Variants in CDH10 observed in about 807,000 individuals in gnomAD.
CDH10 encodes cadherin-10.
Under a neutral mutation model 73.1 loss-of-function variants are expected in CDH10, and 30 were observed. The ratio of observed to expected loss-of-function variants is 0.41; its 90% CI spans 0.31 to 0.56. The LOEUF (loss-of-function observed/expected upper bound fraction) is 0.56, where lower values mean the gene tolerates loss of function less well. Ranked by LOEUF, CDH10 falls within the 20% of genes least tolerant of loss-of-function variation. The probability of loss-of-function intolerance (pLI) is 0.27; values close to 1 mark genes in which losing one functional copy is unlikely to be tolerated. For missense variants in CDH10, 815 were observed against 973.7 expected, an observed-to-expected ratio of 0.84 and a Z score of 2.17; for synonymous variants, 345 against 348.2, an observed-to-expected ratio of 0.99 and a Z score of 0.10.
At chr5:24,622,529 G>C (rs564124488) in intron 1 of CDH10, among the ~76,000 whole-genome samples, 3 of 152,254 alleles carry the variant, frequency 2.0e-5, no homozygotes, top group African/African-American at 7.2e-5. Flanking sequence ...TCACTCTAGT[G>C]TTCTGATTAG....
chr5:24,535,235 C>G lies in CDH10; in HGVS notation c.691G>C (p.Glu231Gln), dbSNP rs2111878508. 3 of 1,613,204 alleles carry G rather than the reference C, an allele frequency of 1.9e-6. No homozygotes were observed. The highest frequency in any genetic ancestry group is 2.5e-6 in the Non-Finnish European group (3 of 1,179,576). Residue 231 changes from glutamate to glutamine, a missense_variant, in exon 5 of 12, where the codon GAG becomes CAG. This residue lies in a region of CDH10 where 516 missense variants were observed against 636.6 expected (regional missense o/e 0.81). Coordinates refer to ENST00000264463, the MANE Select transcript of CDH10 (RefSeq NM_006727.5). ...GCCTGGATGACCACTTGGTATTGCT[C>G]TCTGTTTTCTCTGTTCATGTTCGGT... ...ALPNMNRENR[E>Q]QYQVVIQAKD... is the part of the protein sequence containing the mutation.
intron 5 of CDH10, among the ~76,000 whole-genome samples, chr5:24,522,346 A>G (rs1306501819): frequency 2.6e-5 from 4 of 152,140 alleles, no homozygotes; most frequent in African/African-American, 9.7e-5. Flanking sequence ...TGATAACTCA[A>G]TGAAGATGGT....
rs563833632 is a variant in CDH10, at chr5:24,565,371, A to G, written c.232-27697T>C. Among the ~76,000 whole-genome samples the G allele has an allele frequency of 1.3e-4, 20 of 152,354 alleles. No individual in the cohort carries two copies. In the East Asian group the frequency reaches 2.7e-3, roughly 21 times the overall value. ...TATGTACTAACATTACATTCTTGGA[A>G]ACTGAACTCTAACATACCATGCCTT... On this transcript the variant is annotated intron_variant, in intron 2 of 11. Transcript: ENST00000264463.
chr5:24,596,361 C>A (rs960838726), intron 1 of CDH10, among the ~76,000 whole-genome samples: 1 of 151,680 alleles, frequency 6.6e-6, no homozygotes, highest in African/African-American at 2.4e-5. Context: ...CCCTATGGCT[C>A]TCAGCTGTCT....
In CDH10 at chr5:24,555,979, T is replaced by C. The variant is rs527459515; in HGVS notation, c.232-18305A>G. Among the ~76,000 whole-genome samples the C allele has an allele frequency of 2.6e-5, 4 of 152,292 alleles. No homozygotes were observed. The East Asian group carries it at 7.7e-4, about 29-fold the overall frequency. On this transcript the variant is annotated intron_variant, in intron 2 of 11. Coordinates refer to ENST00000264463, the MANE Select transcript of CDH10 (RefSeq NM_006727.5). Reference sequence around the variant, plus strand: ...CCAATTTGGAAACCACAATCACTTCTAGGAGAAACCTTATTGGATGTTTTG... The same window carrying C: ...CCAATTTGGAAACCACAATCACTTCCAGGAGAAACCTTATTGGATGTTTTG...
chr5:24,591,055 G>C (rs1746183832), intron 2 of CDH10, among the ~76,000 whole-genome samples: 1 of 151,906 alleles, frequency 6.6e-6, no homozygotes, highest in Admixed American at 6.6e-5. Context: ...ACTTCATGAG[G>C]AAAATATATT....
chr5:24,562,265 C>A (rs865976935), intron 2 of CDH10, among the ~76,000 whole-genome samples: 5 of 152,042 alleles, frequency 3.3e-5, no homozygotes, highest in Middle Eastern at 3.4e-3. Flanking sequence ...TAAAACATTC[C>A]TCTTAAAGAG....
chr5:24,595,086 T>C (rs1746324714), intron 1 of CDH10, among the ~76,000 whole-genome samples: 1 of 151,850 alleles, frequency 6.6e-6, no homozygotes, highest in Non-Finnish European at 1.5e-5. Flanking sequence ...CTTATAATAT[T>C]GTGAACATAC....
At chr5:24,569,890 G>C (rs1400367689) in intron 2 of CDH10, among the ~76,000 whole-genome samples, 1 of 151,954 alleles carries the variant, frequency 6.6e-6, no homozygotes, top group African/African-American at 2.4e-5. Flanking sequence ...AGCCTCCCGA[G>C]TTGCATGGGA....
At chr5:24,557,656 A>G (rs576342346) in intron 2 of CDH10, among the ~76,000 whole-genome samples, 1 of 151,900 alleles carries the variant, frequency 6.6e-6, no homozygotes, top group African/African-American at 2.4e-5. Context: ...GTCAGTTTAT[A>G]AAAGAAAAAA....
At chr5:24,495,741 G>A (rs1026074552) in intron 9 of CDH10, among the ~76,000 whole-genome samples, 1 of 151,904 alleles carries the variant, frequency 6.6e-6, no homozygotes, top group Non-Finnish European at 1.5e-5. Flanking sequence ...CAGCTACTTG[G>A]GAGGCTGAGG....
At chr5:24,580,699 C>T (rs548066222) in intron 2 of CDH10, among the ~76,000 whole-genome samples, 2 of 152,238 alleles carry the variant, frequency 1.3e-5, no homozygotes, top group South Asian at 4.1e-4. Flanking sequence ...GAAATAACCA[C>T]AAACCCAATG....
rs188484874 is a variant in CDH10 at position 24,546,438 on chromosome 5, A to T, written c.232-8764T>A. ...CATCAGATGAATATACCTATCCCCA[A>T]ACATATCAATGTCATGACTCTGTGA... On this transcript the variant is annotated intron_variant, in intron 2 of 11. Transcript: ENST00000264463. Among the ~76,000 whole-genome samples the T allele has an allele frequency of 1.2e-4, 19 of 152,286 alleles. No individual in the cohort carries two copies. The East Asian group carries it at 3.5e-3, about 28-fold the overall frequency.
At chr5:24,594,593 A>C (rs989405149) in intron 1 of CDH10, among the ~76,000 whole-genome samples, 2 of 151,866 alleles carry the variant, frequency 1.3e-5, no homozygotes, top group African/African-American at 4.8e-5. Context: ...ACTCTTCTCC[A>C]GCCACAGGGT....
chr5:24,549,928 A>T (rs2111946453), intron 2 of CDH10, among the ~76,000 whole-genome samples: 1 of 152,292 alleles, frequency 6.6e-6, no homozygotes, highest in Non-Finnish European at 1.5e-5. Context: ...AATAGGTTTC[A>T]AAGAAAGGTG....
chr5:24,544,142 A>G (rs181680662), intron 2 of CDH10, among the ~76,000 whole-genome samples: 62 of 152,222 alleles, frequency 4.1e-4, no homozygotes, highest in Admixed American at 2.5e-3. Flanking sequence ...AAAAATACAA[A>G]AATTAGCTGG....
At chr5:24,608,356 G>C (rs12187373) in intron 1 of CDH10, among the ~76,000 whole-genome samples, 11 of 151,898 alleles carry the variant, frequency 7.2e-5, no homozygotes, top group Non-Finnish European at 4.4e-5. Flanking sequence ...GTAGTGGCGC[G>C]ATCTTGGCTC....
At chr5:24,527,107 T>G (rs1307158885) in intron 5 of CDH10, among the ~76,000 whole-genome samples, 1 of 150,992 alleles carries the variant, frequency 6.6e-6, no homozygotes, top group Non-Finnish European at 1.5e-5. Context: ...ATTATGGCAC[T>G]AATCTTATTG....
chr5:24,506,959 T>C (rs1742721521), intron 7 of CDH10, among the ~76,000 whole-genome samples: 1 of 152,198 alleles, frequency 6.6e-6, no homozygotes, highest in Non-Finnish European at 1.5e-5. Context: ...ATCTTGCAGA[T>C]ACACAGAGAT....
Sources: allele counts gnomAD v4.1 joint callset (sites outside exome capture counted in the v4.1 genomes callset), GRCh38; gene constraint gnomAD v4.1.1; regional missense constraint gnomAD v4.1.1; transcripts MANE v1.5; gene names NCBI Gene and HGNC (gene_info 2026-07-23, HGNC 2026-07-21).